CUX1: variants seen among roughly 807,000 people sequenced by gnomAD.
The protein encoded by CUX1 is cut like homeobox 1.
CUX1 carries 31 observed loss-of-function variants against 158.8 expected under a neutral mutation model. The ratio of observed to expected loss-of-function variants is 0.20; its 90% confidence interval spans 0.15 to 0.26. The LOEUF (loss-of-function observed/expected upper bound fraction) is 0.26, where lower values mean the gene tolerates loss of function less well. Ranked by LOEUF, CUX1 falls within the 10% of genes least tolerant of loss-of-function variation. CUX1 has a pLI of 1.00. For missense variants in CUX1, 1,589 were observed against 2,014.6 expected (o/e 0.79, Z 4.04); for synonymous variants, 879 against 862.1 (o/e 1.02, Z -0.34).
chr7:102,033,061 T>C (rs1279306802), intron 3 of CUX1, among the ~76,000 whole-genome samples: 1 of 152,200 alleles, frequency 6.6e-6, no homozygotes, highest in African/African-American at 2.4e-5. Context: ...GGGGGACAAG[T>C]GTCCTCAGGG....
intron 6 of CUX1, 84 bp from the exon 7 acceptor site, chr7:102,111,614 G>A: frequency 8.0e-7 from 1 of 1,247,860 alleles, no homozygotes; most frequent in Admixed American, 1.7e-5. Context: ...GCGCAGGGAG[G>A]GAGCTGAGCT....
chr7:102,169,922 A>G (rs562916975), intron 9 of CUX1, among the ~76,000 whole-genome samples: 2 of 152,340 alleles, frequency 1.3e-5, no homozygotes, highest in East Asian at 3.9e-4. Flanking sequence ...ATATGTTGAA[A>G]TAAGCCCGGC....
At chr7:102,126,154 C>A (rs921128699) in intron 8 of CUX1, among the ~76,000 whole-genome samples, 1 of 150,358 alleles carries the variant, frequency 6.7e-6, no homozygotes, top group South Asian at 2.1e-4. Flanking sequence ...CCTGGGACTA[C>A]AAGTGTGCAC....
intron 11 of CUX1, among the ~76,000 whole-genome samples, chr7:102,183,340 T>C (rs1487725448): frequency 6.6e-6 from 1 of 151,806 alleles, no homozygotes; most frequent in African/African-American, 2.4e-5. Context: ...TTTTTTTTAA[T>C]GAGCCAGAGT....
chr7:101,931,276 C>CA (rs1806260590), intron 2 of CUX1, among the ~76,000 whole-genome samples: 1 of 152,182 alleles, frequency 6.6e-6, no homozygotes, highest in Non-Finnish European at 1.5e-5. Context: ...ATGTGTGCAG[C>CA]AAATATTCCT....
At chr7:102,186,147 T>C (rs1483724750) in intron 11 of CUX1, among the ~76,000 whole-genome samples, 2 of 152,150 alleles carry the variant, frequency 1.3e-5, no homozygotes, top group African/African-American at 2.4e-5. Context: ...TGAGGACAGT[T>C]AGTCTTTTTT....
intron 8 of CUX1, among the ~76,000 whole-genome samples, chr7:102,123,652 CCTA>C (rs1832307834): frequency 6.6e-6 from 1 of 151,270 alleles, no homozygotes; most frequent in African/African-American, 2.4e-5. Flanking sequence ...CTCAACCAGT[CCTA>C]CTGCTTTTTT....
At chr7:101,945,027 C>T (rs1439666052) in intron 2 of CUX1, among the ~76,000 whole-genome samples, 2 of 152,176 alleles carry the variant, frequency 1.3e-5, no homozygotes, top group East Asian at 3.8e-4. Context: ...TGCACTTTCC[C>T]AGAAATTGTC....
intron 14 of CUX1, among the ~76,000 whole-genome samples, chr7:102,270,228 C>A (rs1267444244): frequency 6.6e-6 from 1 of 152,250 alleles, no homozygotes; most frequent in African/African-American, 2.4e-5. Flanking sequence ...GTGTTCCAGC[C>A]TCCAGCAGAG....
chr7:101,923,178 C>T (rs531506283), intron 2 of CUX1, among the ~76,000 whole-genome samples: 3 of 152,112 alleles, frequency 2.0e-5, no homozygotes, highest in South Asian at 2.1e-4. Flanking sequence ...GACCAGGTAA[C>T]CCAGCGTGGG....
intron 20 of CUX1, among the ~76,000 whole-genome samples, chr7:102,222,918 C>G (rs1026930980): frequency 1.4e-5 from 2 of 146,758 alleles, no homozygotes; most frequent in Non-Finnish European, 3.0e-5. Flanking sequence ...CTCCCAGGTT[C>G]AAGCAATTCC....
At chr7:101,976,727 G>C (rs927214400) in intron 2 of CUX1, among the ~76,000 whole-genome samples, 1 of 151,996 alleles carries the variant, frequency 6.6e-6, no homozygotes, top group Admixed American at 6.6e-5. Flanking sequence ...TGGATCCAGT[G>C]CGTCTCATTA....
chr7:102,190,283 C>T (rs1293276624), intron 12 of CUX1, among the ~76,000 whole-genome samples: 1 of 152,244 alleles, frequency 6.6e-6, no homozygotes, highest in Admixed American at 6.5e-5. Context: ...GACTCAGGAA[C>T]TCTGTCTTCC....
At chr7:101,896,419 C>G (rs969805543) in intron 1 of CUX1, among the ~76,000 whole-genome samples, 17 of 152,172 alleles carry the variant, frequency 1.1e-4, no homozygotes, top group Admixed American at 1.1e-3. Flanking sequence ...TGAAGGTATA[C>G]ACAGGAACGC....
At chr7:102,212,199 C>T (rs1206509289) in intron 20 of CUX1, among the ~76,000 whole-genome samples, 1 of 152,120 alleles carries the variant, frequency 6.6e-6, no homozygotes, top group East Asian at 1.9e-4. Flanking sequence ...GACAGCCCTG[C>T]CTGGGGGACC....
chr7:101,892,425 A>C (rs1459771326), intron 1 of CUX1, among the ~76,000 whole-genome samples: 1 of 152,126 alleles, frequency 6.6e-6, no homozygotes, highest in African/African-American at 2.4e-5. Context: ...CGTTTTTCAG[A>C]AGTTACTGTG....
chr7:102,235,635 G>A (rs1377279162), intron 22 of CUX1, among the ~76,000 whole-genome samples: 3 of 150,996 alleles, frequency 2.0e-5, no homozygotes, highest in Non-Finnish European at 2.9e-5. Flanking sequence ...CTGGGAGGAG[G>A]AGGTTGCAGT....
At chr7:102,102,321 G>A (rs1829863489) in intron 5 of CUX1, among the ~76,000 whole-genome samples, 2 of 150,296 alleles carry the variant, frequency 1.3e-5, no homozygotes, top group African/African-American at 4.9e-5. Flanking sequence ...CTACTCGGGA[G>A]GCTGAGGCAG....
intron 3 of CUX1, among the ~76,000 whole-genome samples, chr7:102,028,988 A>ATTTTTTTTTTTTTTTTTT (rs71519103): frequency 8.8e-6 from 1 of 114,248 alleles, no homozygotes. Flanking sequence ...AGTCTTAGGG[A>ATTTTTTTTTTTTTTTTTT]TTTTTTTTTT....
Sources: allele counts gnomAD v4.1 joint callset (sites outside exome capture counted in the v4.1 genomes callset), GRCh38; gene constraint gnomAD v4.1.1; transcripts MANE v1.5; gene names NCBI Gene and HGNC (gene_info 2026-07-23, HGNC 2026-07-21).